Variants in ROBO1 observed in about 807,000 individuals in gnomAD.
ROBO1 encodes roundabout homolog 1.
In ROBO1, 149 loss-of-function variants were observed where a neutral mutation model predicts 195.9. The ratio of observed to expected loss-of-function variants is 0.76; its 90% CI spans 0.67 to 0.87. The LOEUF (loss-of-function observed/expected upper bound fraction) is 0.87, where lower values mean the gene tolerates loss of function less well. Ranked by LOEUF, ROBO1 falls within the 40% of genes least tolerant of loss-of-function variation. The pLI, the probability that ROBO1 is intolerant of heterozygous loss-of-function variation, is 0.00. For synonymous variants in ROBO1, 816 were observed against 733.2 expected (o/e 1.11, Z -1.82); for missense variants, 1,933 against 2,068.3 (o/e 0.93, Z 1.27).
chr3:79,024,232 A>T (rs140655034), intron 3 of ROBO1, among the ~76,000 whole-genome samples: 3 of 152,332 alleles, frequency 2.0e-5, no homozygotes, highest in Admixed American at 2.0e-4. Context: ...ACTAGGTGCT[A>T]TCCTGCTAAG....
chr3:79,290,625 A>C (rs1313619537), intron 2 of ROBO1, among the ~76,000 whole-genome samples: 1 of 152,082 alleles, frequency 6.6e-6, no homozygotes, highest in Non-Finnish European at 1.5e-5. Flanking sequence ...GACTGTCCCT[A>C]GAACACATCT....
At chr3:78,648,301 T>C (rs1359268909) in intron 19 of ROBO1, among the ~76,000 whole-genome samples, 1 of 152,148 alleles carries the variant, frequency 6.6e-6, no homozygotes. Flanking sequence ...CTGACATTTT[T>C]TATCATCATA....
At chr3:79,221,878 A>C (rs931956398) in intron 2 of ROBO1, among the ~76,000 whole-genome samples, 1 of 152,112 alleles carries the variant, frequency 6.6e-6, no homozygotes, top group African/African-American at 2.4e-5. Flanking sequence ...CTCTGAGAAT[A>C]CTGGATAGAA....
At position 78,597,669 on chromosome 3, in the gene ROBO1, A is replaced by AT. The variant is rs376324563; in HGVS notation, c.*1243dup. The AT allele has an allele frequency of 4.4e-3, 678 of 152,468 alleles. 6 individuals carry two copies. Among genetic ancestry groups the AT allele is most frequent in the African/African-American group, 0.015 (643 of 41,560 alleles). 9.4% of individuals were successfully genotyped at this position (152,468 alleles called of 1,614,324 possible). On this transcript the variant is annotated 3_prime_UTR_variant, in exon 31 of 31. Coordinates refer to ENST00000464233, the MANE Select transcript of ROBO1 (RefSeq NM_002941.4). The stretch of plus-strand genomic sequence containing the variant: ...AAAGCAAGTAATGCCTCTATTAGAG[A>AT]TTTTAAGGAAATCTTGTAGGTTTCG...
intron 3 of ROBO1, among the ~76,000 whole-genome samples, chr3:78,964,165 C>T (rs1553777020): frequency 6.6e-6 from 1 of 152,098 alleles, no homozygotes; most frequent in Non-Finnish European, 1.5e-5. Flanking sequence ...ATCTTTGTGT[C>T]CAAATTTCCC....
chr3:79,002,387 T>G (rs1005880861), intron 3 of ROBO1, among the ~76,000 whole-genome samples: 6 of 152,170 alleles, frequency 3.9e-5, no homozygotes, highest in Non-Finnish European at 7.4e-5. Context: ...ATTTTGCTGC[T>G]TTCTTGGAAA....
chr3:79,328,475 G>A (rs945910571), intron 2 of ROBO1, among the ~76,000 whole-genome samples: 1 of 152,068 alleles, frequency 6.6e-6, no homozygotes, highest in Non-Finnish European at 1.5e-5. Flanking sequence ...AACACTGGCA[G>A]GGTGTTTGAT....
At chr3:79,372,026 T>A (rs935169161) in intron 2 of ROBO1, among the ~76,000 whole-genome samples, 3 of 151,994 alleles carry the variant, frequency 2.0e-5, no homozygotes, top group Non-Finnish European at 2.9e-5. Context: ...ACAATAGGGT[T>A]TGTGCTCCTA....
At chr3:78,959,307 T>C (rs2041218900) in intron 3 of ROBO1, among the ~76,000 whole-genome samples, 2 of 152,218 alleles carry the variant, frequency 1.3e-5, no homozygotes, top group Non-Finnish European at 2.9e-5. Context: ...GATTGTCACA[T>C]TACTATCATA....
chr3:79,141,703 G>A (rs544059245), intron 2 of ROBO1, among the ~76,000 whole-genome samples: 11 of 152,020 alleles, frequency 7.2e-5, no homozygotes, highest in African/African-American at 2.7e-4. Flanking sequence ...CACAGGTAGG[G>A]CACTGGTGAT....
chr3:79,697,944 A>G (rs1181995076), intron 1 of ROBO1, among the ~76,000 whole-genome samples: 1 of 151,568 alleles, frequency 6.6e-6, no homozygotes, highest in African/African-American at 2.4e-5. Context: ...ATCTTAAAAA[A>G]TCTAATATTT....
At position 79,536,791 on chromosome 3, in the gene ROBO1, C is replaced by CATA. The variant is rs1315830548; in HGVS notation, c.88+53030_88+53032dup. Among the ~76,000 whole-genome samples the CATA allele has an allele frequency of 5.3e-5, 8 of 152,224 alleles. 1 individual carries two copies. The highest frequency in any genetic ancestry group is 6.8e-3 in the Middle Eastern group (2 of 294). ...GTAGACTAGTGGAAAAAGTATAGGA[C>CATA]ATAAGGTCAAAATACTTGCTCCAAA... On this transcript the variant is annotated intron_variant, in intron 2 of 30. Coordinates refer to ENST00000464233, the MANE Select transcript of ROBO1 (RefSeq NM_002941.4).
At chr3:79,336,414 C>T (rs555900538) in intron 2 of ROBO1, among the ~76,000 whole-genome samples, 7 of 152,186 alleles carry the variant, frequency 4.6e-5, no homozygotes, top group Admixed American at 3.3e-4. Context: ...GGCTGAAAGG[C>T]GCCAACGTAC....
chr3:79,305,146 C>T (rs2033156705), intron 2 of ROBO1, among the ~76,000 whole-genome samples: 1 of 152,138 alleles, frequency 6.6e-6, no homozygotes, highest in Non-Finnish European at 1.5e-5. Flanking sequence ...CAAATTCTAA[C>T]TCACACTTTG....
intron 1 of ROBO1, among the ~76,000 whole-genome samples, chr3:79,646,684 A>G (rs932578999): frequency 6.6e-6 from 1 of 152,164 alleles, no homozygotes; most frequent in African/African-American, 2.4e-5. Flanking sequence ...ATGAATAGAT[A>G]AAGAAAATGT....
At chr3:78,884,486 C>CA (rs1484216608) in intron 4 of ROBO1, among the ~76,000 whole-genome samples, 3 of 151,500 alleles carry the variant, frequency 2.0e-5, no homozygotes, top group Admixed American at 6.6e-5. Context: ...GGCATGGTGG[C>CA]ACACATCTGT....
intron 3 of ROBO1, among the ~76,000 whole-genome samples, chr3:79,007,847 A>G (rs1372685888): frequency 6.6e-6 from 1 of 152,184 alleles, no homozygotes; most frequent in East Asian, 1.9e-4. Flanking sequence ...AAATTCCTTA[A>G]GCACAGGGAA....
intron 3 of ROBO1, among the ~76,000 whole-genome samples, chr3:78,948,028 T>C (rs899078007): frequency 2.6e-5 from 4 of 152,104 alleles, no homozygotes; most frequent in African/African-American, 9.7e-5. Flanking sequence ...GAGGCAATAA[T>C]CAATAGCTTA....
At chr3:79,654,195 C>A (rs1946094267) in intron 1 of ROBO1, among the ~76,000 whole-genome samples, 2 of 152,062 alleles carry the variant, frequency 1.3e-5, no homozygotes, top group African/African-American at 4.8e-5. Flanking sequence ...GATTTAAGGA[C>A]AATTCATATG....
Sources: allele counts gnomAD v4.1 joint callset (sites outside exome capture counted in the v4.1 genomes callset), GRCh38; gene constraint gnomAD v4.1.1; transcripts MANE v1.5; gene names NCBI Gene and HGNC (gene_info 2026-07-23, HGNC 2026-07-21).